CRHR1: variants seen among roughly 807,000 people sequenced by gnomAD.
CRHR1 encodes the protein corticotropin releasing hormone receptor 1.
Under a neutral mutation model 56.0 loss-of-function variants are expected in CRHR1, and 28 were observed. That is an observed-to-expected ratio of 0.50 (90% CI 0.37 to 0.69). The LOEUF is 0.69. Among genes scored for constraint, CRHR1 ranks in the 30% least tolerant of loss-of-function variants. The pLI, the probability that CRHR1 is intolerant of heterozygous loss-of-function variation, is 0.00. For missense variants in CRHR1, 376 were observed against 548.0 expected (o/e 0.69, Z 3.13); for synonymous variants, 195 against 216.5 (o/e 0.90, Z 0.87).
intron 2 of CRHR1, among the ~76,000 whole-genome samples, chr17:45,813,574 C>T (rs771578519): frequency 1.3e-5 from 2 of 152,172 alleles, no homozygotes; most frequent in Non-Finnish European, 1.5e-5. Context: ...GAGGGGGAGG[C>T]GCGGCGCTGC....
At chr17:45,810,070 A>G (rs1568046667) in intron 2 of CRHR1, among the ~76,000 whole-genome samples, 2 of 152,154 alleles carry the variant, frequency 1.3e-5, no homozygotes, top group Non-Finnish European at 2.9e-5. Flanking sequence ...ACTTGAGGTC[A>G]GGTGTTCGAG....
At chr17:45,798,696 G>A (rs1222934133) in intron 1 of CRHR1, among the ~76,000 whole-genome samples, 1 of 128,608 alleles carries the variant, frequency 7.8e-6, no homozygotes, top group Non-Finnish European at 1.5e-5. Flanking sequence ...ACTATTTCTA[G>A]CCCTGCTGCA....
Position 45,835,083 on chromosome 17 carries a change from G to A in CRHR1, c.*319G>A. 2.7e-6 allele frequency: 1 copy of A among 371,186 alleles called. No individual in the cohort carries two copies. Among genetic ancestry groups the A allele is most frequent in the South Asian group, 6.2e-5 (1 of 16,086 alleles). The allele number at this position is 371,186 out of a possible 1,614,324, so 23.0% of individuals were successfully genotyped here. A position where few individuals can be genotyped will look rare whatever the true frequency, so the allele number is the denominator to read the frequency against. On this transcript the variant is annotated 3_prime_UTR_variant, in exon 13 of 13. Transcript: ENST00000314537. Reference sequence around the variant, plus strand: ...TACAGCAGCACGCATGTCCCTCCAAGGCTGTCTTCTCCCAGAGCACAAGAA... The same window carrying A: ...TACAGCAGCACGCATGTCCCTCCAAAGCTGTCTTCTCCCAGAGCACAAGAA...
intron 4 of CRHR1, 148 bp from the exon 5 acceptor site, chr17:45,829,067 C>A: frequency 1.6e-6 from 1 of 644,458 alleles, no homozygotes; most frequent in Non-Finnish European, 2.8e-6. Context: ...TGCTCTGCAG[C>A]GAGGCCTGAC....
In CRHR1 at chr17:45,830,119, A is replaced by T. The variant is rs763401990; in HGVS notation, c.460A>T (p.Ile154Phe). Residue 154 changes from isoleucine to phenylalanine, a missense_variant, in exon 6 of 13, where the codon ATC becomes TTC. Transcript: ENST00000314537. ...LRSIRCLRNI[I>F]HWNLISAFIL... ...GAGCATCCGGTGCCTGCGAAACATCATCCACTGGAACCTCATCTCCGCCTT... is the reference window on the plus strand; with the variant it reads ...GAGCATCCGGTGCCTGCGAAACATCTTCCACTGGAACCTCATCTCCGCCTT... The T allele has an allele frequency of 1.9e-6, 3 of 1,613,870 alleles. No homozygotes were observed. Among genetic ancestry groups the T allele is most frequent in the Admixed American group, 1.7e-5 (1 of 59,990 alleles).
At chr17:45,792,493 G>A (rs769959956) in intron 1 of CRHR1, among the ~76,000 whole-genome samples, 5 of 152,050 alleles carry the variant, frequency 3.3e-5, no homozygotes, top group African/African-American at 4.8e-5. Flanking sequence ...TGCCTGAGTC[G>A]CACTGTTCTC....
At chr17:45,833,567 C>T in intron 10 of CRHR1, 30 bp downstream of exon 10, 1 of 1,602,700 alleles carries the variant, frequency 6.2e-7, no homozygotes, top group Non-Finnish European at 8.5e-7. Flanking sequence ...CTCAGGCCTC[C>T]CCCTGATGAA....
At chr17:45,813,313 C>T (rs2061860328) in intron 2 of CRHR1, among the ~76,000 whole-genome samples, 1 of 152,144 alleles carries the variant, frequency 6.6e-6, no homozygotes, top group African/African-American at 2.4e-5. Context: ...CCCCCAACCC[C>T]CCCACCCCAA....
rs138693258 is a variant in CRHR1 at position 45,832,349 on chromosome 17, G to A, written c.771-789G>A. Among the ~76,000 whole-genome samples the A allele has an allele frequency of 2.4e-3, 366 of 152,368 alleles. 1 individual carries two copies. Among genetic ancestry groups the A allele is most frequent in the Admixed American group, 4.4e-3 (68 of 15,306 alleles). On this transcript the variant is annotated intron_variant, in intron 8 of 12. Transcript: ENST00000314537. ...ACACTGCAACAGAGAGGATCTGGGTGTGAGAAACCAGAAACGAACTTGCAG... is the reference window on the plus strand; with the variant it reads ...ACACTGCAACAGAGAGGATCTGGGTATGAGAAACCAGAAACGAACTTGCAG...
chr17:45,823,660 C>T (rs1226317563), intron 4 of CRHR1, among the ~76,000 whole-genome samples: 1 of 152,198 alleles, frequency 6.6e-6, no homozygotes, highest in African/African-American at 2.4e-5. Context: ...GCAGCCCAGG[C>T]TCTGCTTTGC....
In CRHR1 at chr17:45,821,346, C is replaced by T. The variant is rs1268962359; in HGVS notation, c.242-9C>T. 14 of 1,613,210 alleles carry T rather than the reference C, an allele frequency of 8.7e-6. No homozygotes were observed. Among genetic ancestry groups the T allele is most frequent in the East Asian group, 2.2e-5 (1 of 44,902 alleles). On this transcript the variant is annotated splice_polypyrimidine_tract_variant and intron_variant, in intron 3 of 12. Transcript: ENST00000314537. ...CCCCGCCATCACTGCCTCTCTCTTC[C>T]TTTTCCAGACAATGGCTACCGGGAG...
rs531529405 is a variant in CRHR1, at chr17:45,792,261, C to T, written c.33+7684C>T. Among the ~76,000 whole-genome samples the T allele has an allele frequency of 5.5e-4, 84 of 152,272 alleles. 3 individuals carry two copies. In the South Asian group the frequency reaches 0.014, roughly 25 times the overall value. On this transcript the variant is annotated intron_variant, in intron 1 of 12. Transcript: ENST00000314537. ...CTGGGCTTGGTCTTGGTCTAAGCCA[C>T]GCCCTTCCCCTTCCTCTTTCTGCCA... is the stretch of plus-strand genomic sequence containing the variant.
At chr17:45,791,852 T>TCACACACACACACACACACA (rs59855327) in intron 1 of CRHR1, among the ~76,000 whole-genome samples, 1 of 121,028 alleles carries the variant, frequency 8.3e-6, no homozygotes, top group African/African-American at 3.4e-5. Context: ...TCTCTCTCTC[T>TCACACACACACACACACACA]CACACACACA....
chr17:45,784,703 G>C lies in CRHR1; in HGVS notation c.33+126G>C, dbSNP rs978731443. On this transcript the variant is annotated intron_variant, in intron 1 of 12. Transcript: ENST00000314537. This position sits in a 1 kb window ranked among gnomAD's most constrained non-coding sequence, Gnocchi z 4.2. ...GAGAGCCGTGCTTAGGTCGGGGAAG[G>C]CTGGGCTCCGGGGCAGCCTAACTCT... 9 of 1,024,592 alleles carry C rather than the reference G, an allele frequency of 8.8e-6. No individual in the cohort carries two copies. Among genetic ancestry groups the C allele is most frequent in the Non-Finnish European group, 9.3e-6 (7 of 755,122 alleles). The allele number at this position is 1,024,592 out of a possible 1,614,324, so 63.5% of individuals were successfully genotyped here. A position where few individuals can be genotyped will look rare whatever the true frequency, so the allele number is the denominator to read the frequency against.
rs1489413725 is a variant in CRHR1 at position 45,830,596 on chromosome 17, C to T, written c.709+26C>T. ...GTGAGCTGGGCAGCCACCTCCGCAG[C>T]CTGGGCAGTGGCGGCCGCCGGGCTG... is the stretch of plus-strand genomic sequence containing the variant. On this transcript the variant is annotated intron_variant, in intron 7 of 12. Coordinates refer to ENST00000314537, the MANE Select transcript of CRHR1 (RefSeq NM_004382.5). The T allele has an allele frequency of 3.8e-6, 6 of 1,585,176 alleles. No individual in the cohort carries two copies. The South Asian group carries it at 6.9e-5, about 18-fold the overall frequency.
chr17:45,809,654 G>A (rs1335268072), intron 2 of CRHR1, among the ~76,000 whole-genome samples: 5 of 152,362 alleles, frequency 3.3e-5, no homozygotes, highest in East Asian at 3.9e-4. Flanking sequence ...CCAGACCGAC[G>A]GGCACTGGTA....
intron 1 of CRHR1, among the ~76,000 whole-genome samples, chr17:45,806,301 G>A (rs139614209): frequency 6.6e-6 from 1 of 152,312 alleles, no homozygotes; most frequent in East Asian, 1.9e-4. Context: ...AGGTTAAAGG[G>A]CAAAGGTCTG....
intron 4 of CRHR1, among the ~76,000 whole-genome samples, chr17:45,828,130 T>G (rs549448847): frequency 6.6e-6 from 1 of 152,322 alleles, no homozygotes; most frequent in African/African-American, 2.4e-5. Flanking sequence ...TTTGACTGCG[T>G]GTCAAGCTCT....
intron 4 of CRHR1, among the ~76,000 whole-genome samples, chr17:45,823,874 T>C (rs1416113199): frequency 6.6e-6 from 1 of 152,154 alleles, no homozygotes; most frequent in African/African-American, 2.4e-5. Context: ...GACTCACGAG[T>C]TCTTCCACGG....
Sources: allele counts gnomAD v4.1 joint callset (sites outside exome capture counted in the v4.1 genomes callset), GRCh38; gene constraint gnomAD v4.1.1; non-coding constraint Gnocchi (gnomAD v3.1); transcripts MANE v1.5; gene names NCBI Gene and HGNC (gene_info 2026-07-23, HGNC 2026-07-21).